Variants in TRIQK observed in about 807,000 individuals in gnomAD.
TRIQK encodes triple QxxK/R motif containing, also known as triple QxxK/R motif-containing protein.
TRIQK carries 10 observed loss-of-function variants against 10.8 expected under a neutral mutation model. The observed-to-expected ratio is 0.92, with a 90% CI of 0.57 to 1.57. The LOEUF (loss-of-function observed/expected upper bound fraction) is 1.57, where lower values mean the gene tolerates loss of function less well. TRIQK is among the 40% of genes most tolerant of loss of function. TRIQK has a pLI of 0.00. For missense variants in TRIQK, 107 were observed against 97.7 expected, an observed-to-expected ratio of 1.09 and a Z score of -0.40; for synonymous variants, 33 against 33.7, an observed-to-expected ratio of 0.98 and a Z score of 0.07.
intron 1 of TRIQK, among the ~76,000 whole-genome samples, chr8:92,982,863 G>A (rs1813000129): frequency 6.6e-6 from 1 of 151,930 alleles, no homozygotes; most frequent in Admixed American, 6.6e-5. Context: ...AAGAAAGCTG[G>A]AACCCACTGC....
intron 1 of TRIQK, among the ~76,000 whole-genome samples, chr8:92,995,327 T>C (rs1222931527): frequency 1.3e-5 from 2 of 152,100 alleles, no homozygotes. Flanking sequence ...TTATTCTTTC[T>C]GATTATGAGC....
At chr8:92,911,436 TTACTC>T (rs1179918108) in intron 3 of TRIQK, among the ~76,000 whole-genome samples, 2 of 151,386 alleles carry the variant, frequency 1.3e-5, no homozygotes, top group African/African-American at 2.4e-5. Context: ...CTATCAAAAA[TTACTC>T]TAAGTGCAAA....
rs185810064 is a variant in TRIQK, at chr8:93,012,341, A to G, written c.-181+5268T>C. On this transcript the variant is annotated intron_variant, in intron 1 of 4. Coordinates refer to the TRIQK transcript ENST00000520686. ...ACAGAAAATGTCTTTGTTGATGATC[A>G]GGTAAAACAGAGTGCCCACGATTCT... is the stretch of plus-strand genomic sequence containing the variant. 1.4e-3 allele frequency among the ~76,000 whole-genome samples: 220 copies of G among 152,318 alleles called. 2 individuals carry two copies. Among genetic ancestry groups the G allele is most frequent in the African/African-American group, 4.6e-3 (192 of 41,580 alleles).
Position 92,930,603 on chromosome 8 carries a change from A to C in TRIQK, c.-21-13593T>G, listed in dbSNP as rs190334752. ...CTAAGAGCTTAATCAAACAAAAGGA[A>C]TGAGAAGAAGCAAGGGTACCATTAG... On this transcript the variant is annotated intron_variant, in intron 2 of 4. Coordinates refer to ENST00000521988, the MANE Select transcript of TRIQK (RefSeq NM_001171797.2). Among the ~76,000 whole-genome samples the C allele has an allele frequency of 1.1e-4, 17 of 152,188 alleles. No individual in the cohort carries two copies. In the East Asian group the frequency reaches 3.3e-3, roughly 29 times the overall value.
Position 92,949,241 on chromosome 8 carries a change from G to T in TRIQK, c.-22+5165C>A, listed in dbSNP as rs189908551. The stretch of plus-strand genomic sequence containing the variant: ...TTTCTTTTAATGCTATATTTTATGA[G>T]AATCTGAGCCTGATAAAGGGTAGGT... On this transcript the variant is annotated intron_variant, in intron 2 of 4. Transcript: ENST00000521988. Among the ~76,000 whole-genome samples, 266 of 152,174 alleles carry T rather than the reference G, an allele frequency of 1.7e-3. 1 individual carries two copies. The highest frequency in any genetic ancestry group is 3.4e-3 in the Middle Eastern group (1 of 294).
chr8:92,960,688 A>G (rs1288395346), intron 1 of TRIQK: 1 of 152,240 alleles, frequency 6.6e-6, no homozygotes, highest in East Asian at 1.9e-4. Context: ...GAAGGAGGCC[A>G]TAAGCCAAGG....
At chr8:92,969,769 T>C (rs1812855032), upstream of TRIQK, among the ~76,000 whole-genome samples, 1 of 142,278 alleles carries the variant, frequency 7.0e-6, no homozygotes, top group Non-Finnish European at 1.5e-5. Flanking sequence ...TTATATTTTC[T>C]TTTTTTAAAA....
chr8:92,936,620 C>A (rs868488673), intron 2 of TRIQK, among the ~76,000 whole-genome samples: 11 of 151,372 alleles, frequency 7.3e-5, no homozygotes, highest in Non-Finnish European at 1.3e-4. Flanking sequence ...ATAAGCAAGA[C>A]AAAGACATTG....
chr8:93,005,563 A>G (rs1486752916), intron 1 of TRIQK, among the ~76,000 whole-genome samples: 2 of 152,178 alleles, frequency 1.3e-5, no homozygotes, highest in Non-Finnish European at 2.9e-5. Flanking sequence ...AAACCATATA[A>G]TTATTTCAAT....
At chr8:92,892,410 G>T (rs1772257343) in intron 3 of TRIQK, among the ~76,000 whole-genome samples, 1 of 151,912 alleles carries the variant, frequency 6.6e-6, no homozygotes, top group Non-Finnish European at 1.5e-5. Context: ...ATGAGTATAT[G>T]TAAGATCCTA....
At chr8:92,998,887 G>A (rs1813179951) in intron 1 of TRIQK, among the ~76,000 whole-genome samples, 1 of 152,060 alleles carries the variant, frequency 6.6e-6, no homozygotes, top group South Asian at 2.1e-4. Flanking sequence ...ACACTTCAGA[G>A]GTTAGGGAAT....
rs373213440 is a variant in TRIQK at position 92,902,146 on chromosome 8, G to A, written c.62-10072C>T. ...GGTTCCGAGCCCAGCAGAGTACCAG[G>A]ACTTGCCAAGGAATTGCAGTCCTTG... On this transcript the variant is annotated intron_variant, in intron 3 of 4. Transcript: ENST00000521988. Among the ~76,000 whole-genome samples, 10 of 152,180 alleles carry A rather than the reference G, an allele frequency of 6.6e-5. 1 individual carries two copies. Among genetic ancestry groups the A allele is most frequent in the Admixed American group, 2.6e-4 (4 of 15,278 alleles).
At chr8:92,937,699 A>G (rs1811063996) in intron 2 of TRIQK, among the ~76,000 whole-genome samples, 1 of 151,590 alleles carries the variant, frequency 6.6e-6, no homozygotes, top group Non-Finnish European at 1.5e-5. Context: ...ACTAGAATTT[A>G]TAATACATAT....
At chr8:92,962,106 T>C in intron 1 of TRIQK, among the ~76,000 whole-genome samples, 1 of 152,188 alleles carries the variant, frequency 6.6e-6, no homozygotes, top group East Asian at 1.9e-4. Flanking sequence ...ATAAAAAAGG[T>C]ATAAATATAT....
intron 1 of TRIQK, chr8:92,973,460 G>A (rs953924418): frequency 6.2e-4 from 95 of 152,040 alleles, no homozygotes; most frequent in African/African-American, 2.2e-3. Flanking sequence ...GCAATAAAAC[G>A]TTTTCTGTCT....
chr8:92,986,408 T>G (rs571728913), intron 1 of TRIQK, among the ~76,000 whole-genome samples: 2 of 152,170 alleles, frequency 1.3e-5, no homozygotes, highest in Non-Finnish European at 2.9e-5. Context: ...GGGGAAAATA[T>G]TTGAACCCAG....
At chr8:92,932,222 G>A (rs114869881) in intron 2 of TRIQK, among the ~76,000 whole-genome samples, 1 of 151,938 alleles carries the variant, frequency 6.6e-6, no homozygotes, top group African/African-American at 2.4e-5. Context: ...TATATATTAC[G>A]CCCTCCTTGG....
At chr8:92,924,304 T>C (rs1394290708) in intron 2 of TRIQK, among the ~76,000 whole-genome samples, 1 of 152,058 alleles carries the variant, frequency 6.6e-6, no homozygotes, top group Non-Finnish European at 1.5e-5. Context: ...ATTTAAGTCA[T>C]TGAAATGATG....
chr8:92,991,273 C>G (rs1813094532), intron 1 of TRIQK, among the ~76,000 whole-genome samples: 1 of 152,186 alleles, frequency 6.6e-6, no homozygotes, highest in South Asian at 2.1e-4. Context: ...TTAGATATAA[C>G]TCCCATCTCC....
Sources: allele counts gnomAD v4.1 joint callset (sites outside exome capture counted in the v4.1 genomes callset), GRCh38; gene constraint gnomAD v4.1.1; transcripts MANE v1.5; gene names NCBI Gene and HGNC (gene_info 2026-07-23, HGNC 2026-07-21).